Variants in RGN observed in about 807,000 individuals in gnomAD.
RGN encodes the protein regucalcin, also known as epididymis secretory protein Li 41.
RGN carries 19 observed loss-of-function variants against 20.6 expected under a neutral mutation model. The observed-to-expected ratio is 0.92, with a 90% confidence interval of 0.64 to 1.35. The LOEUF is 1.35. Among genes scored for constraint, RGN ranks in the 40% most tolerant of loss-of-function variants. RGN has a pLI of 0.00. For missense variants in RGN, 302 were observed against 232.7 expected (o/e 1.30, Z -1.94); for synonymous variants, 85 against 87.2 (o/e 0.97, Z 0.14).
chrX:47,079,923 G>A (rs1001529586), intron 1 of RGN, among the ~76,000 whole-genome samples: 9 of 111,302 alleles, frequency 8.1e-5, no homozygotes, highest in East Asian at 2.8e-4. Context: ...TCGCTCTGTT[G>A]CCCAGGCTGG....
chrX:47,092,012 G>A (rs1161983637), intron 6 of RGN, 49 bp from the exon 7 acceptor site: 4 of 1,121,251 alleles, frequency 3.6e-6, no homozygotes, highest in Admixed American at 2.3e-5. Context: ...CAATACACAG[G>A]TTGGAAATTG....
At chrX:47,082,488 T>C (rs782632610) in intron 3 of RGN, among the ~76,000 whole-genome samples, 1 of 109,775 alleles carries the variant, frequency 9.1e-6, no homozygotes, top group African/African-American at 3.3e-5. Flanking sequence ...TTTTTATTTA[T>C]TTTTTGTAGA....
rs1165943342 is a variant in RGN, at chrX:47,081,015, C to T, written c.-16+79C>T. Reference sequence around the variant, plus strand: ...CTATGTGTCTCTCCCTGTCACATTGCATATCCTGCTCTGATCTGGGGGAAG... The same window carrying T: ...CTATGTGTCTCTCCCTGTCACATTGTATATCCTGCTCTGATCTGGGGGAAG... On this transcript the variant is annotated intron_variant, in intron 2 of 7. Coordinates refer to ENST00000397180, the MANE Select transcript of RGN (RefSeq NM_152869.4). 4.8e-5 allele frequency: 24 copies of T among 502,080 alleles called. No individual in the cohort carries two copies. In the African/African-American group the frequency reaches 5.2e-4, roughly 11 times the overall value. 41.4% of individuals were successfully genotyped at this position (502,080 alleles called of 1,213,427 possible).
In RGN at chrX:47,078,522, C is replaced by T. The variant is rs1378286559; in HGVS notation, c.-823C>T. ...AGATCGCGCCAGGAGACTGACTGCT[C>T]TGTGCCCACCCGGGGACCCGGGCCC... On this transcript the variant is annotated 5_prime_UTR_variant, in exon 1 of 8. Coordinates refer to ENST00000397180, the MANE Select transcript of RGN (RefSeq NM_152869.4). 1 of 113,191 alleles carries T rather than the reference C, an allele frequency of 8.8e-6. No individual in the cohort carries two copies. Among genetic ancestry groups the T allele is most frequent in the Non-Finnish European group, 1.9e-5 (1 of 53,418 alleles). The allele number at this position is 113,191 out of a possible 1,213,427, so 9.3% of individuals were successfully genotyped here.
At chrX:47,092,006 A>G in intron 6 of RGN, 55 bp from the exon 7 acceptor site, 2 of 1,095,628 alleles carry the variant, frequency 1.8e-6, no homozygotes, top group Non-Finnish European at 2.5e-6. Flanking sequence ...TAGAAACAAT[A>G]CACAGGTTGG....
At chrX:47,086,406 T>C (rs1930591645) in intron 4 of RGN, among the ~76,000 whole-genome samples, 1 of 111,524 alleles carries the variant, frequency 9.0e-6, no homozygotes, top group Admixed American at 9.7e-5. Flanking sequence ...TTGTGGGGGT[T>C]GTTAGTTATC....
intron 5 of RGN, 77 bp downstream of exon 5, chrX:47,090,068 C>G (rs894332024): frequency 8.6e-6 from 6 of 693,648 alleles, no homozygotes; most frequent in Middle Eastern, 3.6e-4. Flanking sequence ...GCGCCTCTCC[C>G]TCGCCTCATG....
chrX:47,091,571 G>C lies in RGN; in HGVS notation c.563-107G>C, dbSNP rs911742928. On this transcript the variant is annotated intron_variant, in intron 5 of 7. Coordinates refer to ENST00000397180, the MANE Select transcript of RGN (RefSeq NM_152869.4). ...CATGCCAGACACTGGATAAGCTGAA[G>C]TGATCTGTATTTATAACCAGCTTGA... 43 of 860,828 alleles carry C rather than the reference G, an allele frequency of 5.0e-5. No individual in the cohort carries two copies. In the African/African-American group the frequency reaches 7.1e-4, roughly 14 times the overall value. The allele number at this position is 860,828 out of a possible 1,213,427, so 70.9% of individuals were successfully genotyped here.
intron 4 of RGN, chrX:47,084,958 A>AAAAG (rs782598297): frequency 1.3e-5 from 2 of 151,730 alleles, no homozygotes; most frequent in East Asian, 1.5e-4. Context: ...CGGTCTCGAA[A>AAAAG]AAAGAAAGAA....
chrX:47,083,921 C>A (rs377239972), intron 3 of RGN, among the ~76,000 whole-genome samples: 4,873 of 60,083 alleles, frequency 0.081, 299 homozygotes, highest in South Asian at 0.31. Flanking sequence ...TCAAACAAAA[C>A]AAACAAAAAA....
At chrX:47,079,256 G>A (rs1263350723) in intron 1 of RGN, among the ~76,000 whole-genome samples, 3 of 109,807 alleles carry the variant, frequency 2.7e-5, no homozygotes, top group Non-Finnish European at 5.7e-5. Context: ...CACCAGCACC[G>A]GCCTGAGCCC....
At chrX:47,084,635 C>G (rs200384685) in intron 4 of RGN, 35 bp downstream of exon 4, 7 of 1,099,251 alleles carry the variant, frequency 6.4e-6, no homozygotes, top group South Asian at 2.1e-5. Context: ...TATTACTGAG[C>G]CTTGGAGGAA....
At chrX:47,084,705 A>G (rs1202274156) in intron 4 of RGN, 105 bp downstream of exon 4, 5 of 719,402 alleles carry the variant, frequency 7.0e-6, no homozygotes. Context: ...CCTGTAATCC[A>G]GCACTTTGGG....
chrX:47,088,947 AGAAG>A (rs371090955), intron 4 of RGN, among the ~76,000 whole-genome samples: 25,902 of 69,737 alleles, frequency 0.37, 6,033 homozygotes, highest in East Asian at 0.54. Flanking sequence ...AAAAAAAAAA[AGAAG>A]AAGAAGAAGA....
intron 4 of RGN, among the ~76,000 whole-genome samples, chrX:47,088,373 G>A (rs972936917): frequency 9.1e-5 from 10 of 109,850 alleles, no homozygotes; most frequent in Non-Finnish European, 1.1e-4. Context: ...TAATGTGCAG[G>A]GAGAGTCATG....
intron 1 of RGN, among the ~76,000 whole-genome samples, chrX:47,079,500 G>A (rs1255583319): frequency 9.4e-6 from 1 of 106,463 alleles, no homozygotes; most frequent in Non-Finnish European, 1.9e-5. Flanking sequence ...GCGCAATCTC[G>A]GCTCACTGCA....
intron 5 of RGN, 90 bp from the exon 6 acceptor site, chrX:47,091,588 C>A: frequency 2.0e-6 from 2 of 1,016,819 alleles, no homozygotes; most frequent in East Asian, 3.1e-5. Flanking sequence ...GTATTTATAA[C>A]CAGCTTGAGA....
chrX:47,092,094 A>G lies in RGN; in HGVS notation c.728A>G (p.Asp243Gly). The change falls in exon 7 of 8, where the codon GAT becomes GGT. Residue 243 changes from aspartate to glycine, a missense_variant. Physicochemically the swap from Asp to Gly is moderately conservative, Grantham distance 94. Coordinates refer to ENST00000397180, the MANE Select transcript of RGN (RefSeq NM_152869.4). ...CTTCAAACTGTGAAGTTGCCTGTTGATAAAACAACTTCATGCTGCTTTGGA... is the reference window on the plus strand; with the variant it reads ...CTTCAAACTGTGAAGTTGCCTGTTGGTAAAACAACTTCATGCTGCTTTGGA... ...KRLQTVKLPV[D>G]KTTSCCFGGK... 8.3e-7 allele frequency: 1 copy of G among 1,208,390 alleles called. No individual in the cohort carries two copies. The highest frequency in any genetic ancestry group is 1.1e-6 in the Non-Finnish European group (1 of 892,722).
At chrX:47,090,818 G>A (rs782418482) in intron 5 of RGN, among the ~76,000 whole-genome samples, 148 of 103,168 alleles carry the variant, frequency 1.4e-3, no homozygotes, top group Non-Finnish European at 2.3e-3. Context: ...AGCCGAGATC[G>A]CGCCACTGTA....
Sources: gnomAD v4.1 joint callset for allele counts (sites outside exome capture counted in the v4.1 genomes callset) on GRCh38, gnomAD v4.1.1 for gene constraint, MANE v1.5 for transcripts, NCBI Gene and HGNC (gene_info 2026-07-23, HGNC 2026-07-21) for gene names.